The following KALRN variants were observed in gnomAD, a reference collection of about 807,000 sequenced individuals.
KALRN encodes the protein kalirin.
A neutral mutation model predicts 353.7 loss-of-function variants in KALRN; 70 were observed. That is an observed-to-expected ratio of 0.20 (90% CI 0.16 to 0.24). The LOEUF (loss-of-function observed/expected upper bound fraction) is 0.24, where lower values mean the gene tolerates loss of function less well. KALRN is among the 10% of genes least tolerant of loss of function. KALRN has a pLI of 1.00. For synonymous variants in KALRN, 1,391 were observed against 1,434.8 expected (o/e 0.97, Z 0.69); for missense variants, 2,791 against 3,756.7 (o/e 0.74, Z 6.72).
At chr3:124,232,075 G>A (rs1011288677) in intron 2 of KALRN, among the ~76,000 whole-genome samples, 3 of 152,096 alleles carry the variant, frequency 2.0e-5, no homozygotes, top group African/African-American at 7.2e-5. Context: ...GATATGAGAG[G>A]AATAAAATCA....
intron 33 of KALRN, among the ~76,000 whole-genome samples, chr3:124,554,138 T>A (rs1191718045): frequency 2.6e-5 from 4 of 152,190 alleles, no homozygotes; most frequent in Non-Finnish European, 5.9e-5. Context: ...GGAGGATCAC[T>A]TCAGCCCAGG....
chr3:124,605,120 G>A (rs184568600), intron 34 of KALRN, among the ~76,000 whole-genome samples: 3 of 151,906 alleles, frequency 2.0e-5, no homozygotes, highest in Non-Finnish European at 4.4e-5. Context: ...CTGAGATCAC[G>A]CTATTGCACT....
rs1190353237 is a variant in KALRN, at chr3:124,632,504, T to C, written c.5267T>C (p.Ile1756Thr). Residue 1756 changes from isoleucine to threonine, a missense_variant, in exon 35 of 60, where the codon ATC (isoleucine) becomes ACC (threonine). This residue lies in a region of KALRN where 1,065 missense variants were observed against 1,156.4 expected (regional missense o/e 0.92). Coordinates refer to ENST00000682506, the MANE Select transcript of KALRN (RefSeq NM_001388419.1). ...CAGGCCCAGCCCTCCCTGAACTCCA[T>C]CCACAGTTCCCCGGGTCCCAAGCGC... ...NLQAQPSLNS[I>T]HSSPGPKRST... 1 of 1,614,112 alleles carries C rather than the reference T, an allele frequency of 6.2e-7. No homozygotes were observed. The highest frequency in any genetic ancestry group is 1.7e-5 in the Admixed American group (1 of 60,022).
chr3:124,290,020 G>A (rs540184882), intron 5 of KALRN, among the ~76,000 whole-genome samples: 2 of 152,294 alleles, frequency 1.3e-5, no homozygotes, highest in African/African-American at 4.8e-5. Flanking sequence ...GGCAGCCAGG[G>A]AAGTGGGAGG....
At position 124,082,866 on chromosome 3, in the gene KALRN, C is replaced by G. The variant is rs142004262; in HGVS notation, c.73+49053C>G. 5.1e-4 allele frequency among the ~76,000 whole-genome samples: 78 copies of G among 152,366 alleles called. 3 individuals carry two copies. The highest frequency in any genetic ancestry group is 1.2e-3 in the Admixed American group (18 of 15,310). On this transcript the variant is annotated intron_variant, in intron 1 of 59. Transcript: ENST00000682506. ...TCAGTGCAAAGCTACATTAATTCTT[C>G]ACATGCAGGCATGATAAACAGAATC...
In KALRN at chr3:124,726,278, ATC is replaced by A. The variant is rs549690130; in HGVS notation, c.*6811_*6812del. On this transcript the variant is annotated 3_prime_UTR_variant, in exon 60 of 60. Transcript: ENST00000682506. ...TTATGGATGAAACTTCAAAATGTAC[ATC>A]TCACATGTTATGCATTCCTATAAAT... The A allele has an allele frequency of 5.3e-5, 8 of 152,338 alleles. No homozygotes were observed. Among genetic ancestry groups the A allele is most frequent in the African/African-American group, 1.7e-4 (7 of 41,578 alleles). The allele number at this position is 152,338 out of a possible 1,614,324, so 9.4% of individuals were successfully genotyped here. A position where few individuals can be genotyped will look rare whatever the true frequency, so the allele number is the denominator to read the frequency against.
At chr3:124,521,099 G>A (rs1199780456) in intron 33 of KALRN, among the ~76,000 whole-genome samples, 1 of 152,214 alleles carries the variant, frequency 6.6e-6, no homozygotes, top group Non-Finnish European at 1.5e-5. Flanking sequence ...TTCCTTGTGT[G>A]ATTGGAGATC....
chr3:124,153,560 T>C (rs1443720187), intron 1 of KALRN, among the ~76,000 whole-genome samples: 1 of 150,804 alleles, frequency 6.6e-6, no homozygotes, highest in Non-Finnish European at 1.5e-5. Flanking sequence ...CTATTGTGAA[T>C]AGTGCCGCAA....
intron 1 of KALRN, among the ~76,000 whole-genome samples, chr3:124,193,394 C>T (rs1464146620): frequency 6.6e-6 from 1 of 151,294 alleles, no homozygotes; most frequent in Non-Finnish European, 1.5e-5. Flanking sequence ...CATTCTTACT[C>T]TCTTTTTAGC....
intron 33 of KALRN, among the ~76,000 whole-genome samples, chr3:124,498,141 C>T (rs866770646): frequency 1.3e-5 from 2 of 152,156 alleles, no homozygotes; most frequent in Non-Finnish European, 2.9e-5. Flanking sequence ...CCTGATTTTT[C>T]GTGTTTTCCC....
At chr3:124,492,943 G>A (rs1015279373) in intron 32 of KALRN, 61 bp downstream of exon 32, 49 of 1,580,402 alleles carry the variant, frequency 3.1e-5, no homozygotes, top group Non-Finnish European at 3.8e-5. Flanking sequence ...GCGGGAATGG[G>A]ATGAATCTTT....
intron 33 of KALRN, 50 bp downstream of exon 33, chr3:124,496,463 A>G (rs377481264): frequency 7.4e-7 from 1 of 1,348,106 alleles, no homozygotes; most frequent in African/African-American, 1.4e-5. Flanking sequence ...TGATGGCTCA[A>G]CCACCCCTGG....
intron 1 of KALRN, among the ~76,000 whole-genome samples, chr3:124,140,189 C>G (rs1282958193): frequency 6.6e-6 from 1 of 152,108 alleles, no homozygotes; most frequent in Non-Finnish European, 1.5e-5. Flanking sequence ...CCAGAATGCC[C>G]CTCTCCTCCT....
chr3:124,039,863 C>T (rs1285326453), intron 1 of KALRN, among the ~76,000 whole-genome samples: 1 of 152,142 alleles, frequency 6.6e-6, no homozygotes, highest in Non-Finnish European at 1.5e-5. Flanking sequence ...TGATCTCCTC[C>T]ACTTTCACCC....
rs537116648 is a variant in KALRN at position 124,082,663 on chromosome 3, T to A, written c.73+48850T>A. Among the ~76,000 whole-genome samples, 5 of 152,300 alleles carry A rather than the reference T, an allele frequency of 3.3e-5. No individual in the cohort carries two copies. The East Asian group carries it at 9.6e-4, about 29-fold the overall frequency. ...TGGAAGGCAGCAGTGGGGTGGGATATAAACTATATGATCATGACAAACAAT... is the reference window on the plus strand; with the variant it reads ...TGGAAGGCAGCAGTGGGGTGGGATAAAAACTATATGATCATGACAAACAAT... On this transcript the variant is annotated intron_variant, in intron 1 of 59. Coordinates refer to ENST00000682506, the MANE Select transcript of KALRN (RefSeq NM_001388419.1).
chr3:124,444,474 A>C (rs1188399417), intron 19 of KALRN, among the ~76,000 whole-genome samples: 2 of 152,160 alleles, frequency 1.3e-5, no homozygotes, highest in African/African-American at 2.4e-5. Context: ...TACATGATAA[A>C]GGCTTAGATA....
At chr3:124,681,198 C>A (rs1024933406) in intron 51 of KALRN, among the ~76,000 whole-genome samples, 2 of 152,164 alleles carry the variant, frequency 1.3e-5, no homozygotes, top group African/African-American at 4.8e-5. Flanking sequence ...GCCAGGGGAG[C>A]AGCACACATT....
intron 22 of KALRN, 33 bp downstream of exon 22, chr3:124,455,392 C>T (rs984084091): frequency 2.5e-6 from 4 of 1,588,480 alleles, no homozygotes; most frequent in Non-Finnish European, 3.4e-6. Flanking sequence ...GGGACATCCT[C>T]CCTTCTCATC....
chr3:124,646,554 C>T lies in KALRN; in HGVS notation c.5665-4254C>T, dbSNP rs184876380. On this transcript the variant is annotated intron_variant, in intron 37 of 59. Transcript: ENST00000682506. ...TACAGGCATGTGCCACCACATCTGA[C>T]TAGTTTTTGTATTTTTAGTAGAGAT... is the stretch of plus-strand genomic sequence containing the variant. Among the ~76,000 whole-genome samples, 352 of 151,788 alleles carry T rather than the reference C, an allele frequency of 2.3e-3. 1 individual carries two copies. Among genetic ancestry groups the T allele is most frequent in the African/African-American group, 8.1e-3 (337 of 41,402 alleles).
Sources: gnomAD v4.1 joint callset for allele counts (sites outside exome capture counted in the v4.1 genomes callset) on GRCh38, gnomAD v4.1.1 for gene constraint, gnomAD v4.1.1 regional missense constraint, MANE v1.5 for transcripts, NCBI Gene and HGNC (gene_info 2026-07-23, HGNC 2026-07-21) for gene names.